SLC30A9: variants seen among roughly 807,000 people sequenced by gnomAD.
The protein encoded by SLC30A9 is proton-coupled zinc antiporter SLC30A9, mitochondrial.
In SLC30A9, 58 loss-of-function variants were observed where a neutral mutation model predicts 87.5. The observed-to-expected ratio is 0.66, with a 90% CI of 0.54 to 0.82. The LOEUF is 0.82. Ranked by LOEUF, SLC30A9 falls within the 40% of genes least tolerant of loss-of-function variation. The pLI, the probability that SLC30A9 is intolerant of heterozygous loss-of-function variation, is 0.00. For missense variants in SLC30A9, 557 were observed against 679.1 expected (o/e 0.82, Z 2.00); for synonymous variants, 234 against 233.0 (o/e 1.00, Z -0.04).
intron 17 of SLC30A9, 24 bp downstream of exon 17, chr4:42,078,349 C>A: frequency 8.3e-7 from 1 of 1,208,676 alleles, no homozygotes. Context: ...ATAAAAATAA[C>A]ATAATGATAA....
At chr4:42,044,039 T>C (rs1181886406) in intron 8 of SLC30A9, among the ~76,000 whole-genome samples, 2 of 152,184 alleles carry the variant, frequency 1.3e-5, no homozygotes, top group Non-Finnish European at 2.9e-5. Flanking sequence ...AGTCCTGCCT[T>C]ACAAGAGCTC....
At chr4:42,067,734 A>G (rs1718138827) in intron 14 of SLC30A9, among the ~76,000 whole-genome samples, 1 of 152,198 alleles carries the variant, frequency 6.6e-6, no homozygotes. Flanking sequence ...TGGGCACCCC[A>G]ACTTCCTCCC....
intron 15 of SLC30A9, among the ~76,000 whole-genome samples, chr4:42,075,256 TAG>T (rs1718504380): frequency 6.6e-6 from 1 of 150,648 alleles, no homozygotes; most frequent in Non-Finnish European, 1.5e-5. Context: ...GTAGTTTTAG[TAG>T]AGACAGGGTT....
chr4:42,036,185 A>G (rs1424100822), intron 7 of SLC30A9, among the ~76,000 whole-genome samples: 1 of 152,192 alleles, frequency 6.6e-6, no homozygotes, highest in African/African-American at 2.4e-5. Flanking sequence ...CTTTCTTGCC[A>G]ACAGCCTCAC....
At chr4:42,086,050 A>G (rs769772918) in intron 17 of SLC30A9, 32 bp from the exon 18 acceptor site, 2 of 1,077,862 alleles carry the variant, frequency 1.9e-6, no homozygotes, top group Non-Finnish European at 2.5e-6. Flanking sequence ...TTATTTTGCT[A>G]CAAATAATGT....
intron 17 of SLC30A9, among the ~76,000 whole-genome samples, chr4:42,082,298 T>C (rs1001761518): frequency 2.6e-5 from 4 of 152,312 alleles, no homozygotes; most frequent in East Asian, 3.9e-4. Context: ...ATGTTCATAG[T>C]TGAGGTGCCA....
At chr4:42,040,208 GTGGTA>G in intron 8 of SLC30A9, among the ~76,000 whole-genome samples, 1 of 152,272 alleles carries the variant, frequency 6.6e-6, no homozygotes, top group South Asian at 2.1e-4. Flanking sequence ...TTTTGAGCTG[GTGGTA>G]TGTTTAGGGC....
chr4:42,066,699 T>A (rs1014472765), intron 13 of SLC30A9, 78 bp downstream of exon 13: 5 of 916,680 alleles, frequency 5.5e-6, no homozygotes, highest in Non-Finnish European at 8.7e-6. Context: ...ATTGCTTTGT[T>A]CCTAATAGAA....
chr4:42,018,390 C>T, intron 3 of SLC30A9: 1 of 1,303,466 alleles, frequency 7.7e-7, no homozygotes, highest in Non-Finnish European at 1.0e-6. Context: ...TTTCAAAAGC[C>T]CAAGAAAGGA....
intron 16 of SLC30A9, among the ~76,000 whole-genome samples, chr4:42,077,589 A>G (rs1718607112): frequency 6.6e-6 from 1 of 152,104 alleles, no homozygotes; most frequent in African/African-American, 2.4e-5. Flanking sequence ...TTTTTAGTAG[A>G]GATGGGGTTT....
chr4:42,011,647 C>T (rs1323869516), intron 2 of SLC30A9, among the ~76,000 whole-genome samples: 4 of 152,216 alleles, frequency 2.6e-5, no homozygotes, highest in Non-Finnish European at 5.9e-5. Context: ...AATCCTAATG[C>T]TACGAAAGCC....
At chr4:41,996,152 A>C (rs948134587) in intron 1 of SLC30A9, among the ~76,000 whole-genome samples, 11 of 151,934 alleles carry the variant, frequency 7.2e-5, no homozygotes, top group African/African-American at 2.7e-4. Context: ...GCTGAAATGC[A>C]ATGGTGGATC....
chr4:42,025,221 T>G (rs1253594885), intron 6 of SLC30A9, among the ~76,000 whole-genome samples: 1 of 152,224 alleles, frequency 6.6e-6, no homozygotes, highest in Non-Finnish European at 1.5e-5. Flanking sequence ...CCAGTATATA[T>G]TAAAAGGTCA....
At chr4:41,990,790 G>C in intron 1 of SLC30A9, 30 bp downstream of exon 1, 2 of 1,531,294 alleles carry the variant, frequency 1.3e-6, no homozygotes, top group Non-Finnish European at 9.0e-7. Context: ...CGCTGGCTCC[G>C]TAGAAGCCGA....
chr4:42,034,224 CTT>C (rs529186117), intron 6 of SLC30A9, among the ~76,000 whole-genome samples: 88 of 152,218 alleles, frequency 5.8e-4, no homozygotes, highest in African/African-American at 2.1e-3. Context: ...ACCAAACTGT[CTT>C]TATCTCATTG....
chr4:42,053,049 A>G lies in SLC30A9; in HGVS notation c.840+3570A>G, dbSNP rs139877131. Among the ~76,000 whole-genome samples, 218 of 152,298 alleles carry G rather than the reference A, an allele frequency of 1.4e-3. 9 individuals are homozygous for G. The East Asian group carries it at 0.039, about 27-fold the overall frequency. On this transcript the variant is annotated intron_variant, in intron 9 of 17. Coordinates refer to ENST00000264451, the MANE Select transcript of SLC30A9 (RefSeq NM_006345.4). ...GAGAACCAGTTTTTTCCCCCCAAGG[A>G]TAAAGATTTGGGCAGGTACTTCACA...
At chr4:41,998,024 G>C (rs1225496199) in intron 1 of SLC30A9, among the ~76,000 whole-genome samples, 1 of 152,056 alleles carries the variant, frequency 6.6e-6, no homozygotes, top group Admixed American at 6.5e-5. Context: ...AGTAGACTGA[G>C]TTGTCAGTTT....
At chr4:41,990,885 G>C (rs1250582783) in intron 1 of SLC30A9, 125 bp downstream of exon 1, 11 of 699,378 alleles carry the variant, frequency 1.6e-5, no homozygotes, top group Non-Finnish European at 2.2e-5. Flanking sequence ...TTCCTTTCTG[G>C]CCTCCGCCTT....
At chr4:42,056,529 ATTCAGTTACCTCCC>A (rs1717620483) in intron 9 of SLC30A9, among the ~76,000 whole-genome samples, 1 of 152,092 alleles carries the variant, frequency 6.6e-6, no homozygotes, top group East Asian at 1.9e-4. Flanking sequence ...TGCCTCCATG[ATTCAGTTACCTCCC>A]ACTAGGTCCC....
Sources: allele counts gnomAD v4.1 joint callset (sites outside exome capture counted in the v4.1 genomes callset), GRCh38; gene constraint gnomAD v4.1.1; transcripts MANE v1.5; gene names NCBI Gene and HGNC (gene_info 2026-07-23, HGNC 2026-07-21).